The following RALYL variants were observed in gnomAD, a reference collection of about 807,000 sequenced individuals.
RALYL encodes RALY RNA binding protein like, also known as RNA-binding Raly-like protein.
In RALYL, 29 loss-of-function variants were observed where a neutral mutation model predicts 35.1. That is an observed-to-expected ratio of 0.83 (90% CI 0.61 to 1.13). RALYL has a LOEUF of 1.13. Ranked by LOEUF, RALYL falls within the 50% of genes most tolerant of loss-of-function variation. The pLI is 0.00. For missense variants in RALYL, 359 were observed against 360.4 expected, an observed-to-expected ratio of 1.00 and a Z score of 0.03; for synonymous variants, 120 against 127.6, an observed-to-expected ratio of 0.94 and a Z score of 0.40.
chr8:84,510,821 C>A (rs779898074), intron 1 of RALYL, among the ~76,000 whole-genome samples: 21 of 149,510 alleles, frequency 1.4e-4, no homozygotes, highest in East Asian at 2.0e-4. Flanking sequence ...AAAAAAAAAA[C>A]CATAATTGTA....
At chr8:84,886,198 A>G (rs2135409580) in intron 7 of RALYL, among the ~76,000 whole-genome samples, 1 of 152,320 alleles carries the variant, frequency 6.6e-6, no homozygotes, top group East Asian at 1.9e-4. Context: ...GCAAGAAAGT[A>G]TAGATACACA....
chr8:84,446,151 A>T (rs1286707245), intron 1 of RALYL, among the ~76,000 whole-genome samples: 1 of 151,990 alleles, frequency 6.6e-6, no homozygotes. Context: ...ATGTGTGCTT[A>T]TATTTCTCAA....
intron 1 of RALYL, among the ~76,000 whole-genome samples, chr8:84,370,840 G>C (rs1855533716): frequency 6.6e-6 from 1 of 152,034 alleles, no homozygotes; most frequent in Admixed American, 6.6e-5. Context: ...TATGTGGGCA[G>C]TATATATAGC....
At chr8:84,225,061 G>T (rs924380205) in intron 1 of RALYL, among the ~76,000 whole-genome samples, 1 of 152,172 alleles carries the variant, frequency 6.6e-6, no homozygotes, top group Non-Finnish European at 1.5e-5. Context: ...TCTAAACTTT[G>T]CTGTCTCAGT....
chr8:84,768,166 G>A (rs975392934), intron 2 of RALYL, among the ~76,000 whole-genome samples: 1 of 152,032 alleles, frequency 6.6e-6, no homozygotes, highest in Non-Finnish European at 1.5e-5. Context: ...GGATAATCAG[G>A]GAACAAAACC....
chr8:84,756,883 T>G (rs566303024), intron 2 of RALYL, among the ~76,000 whole-genome samples: 1 of 152,228 alleles, frequency 6.6e-6, no homozygotes, highest in South Asian at 2.1e-4. Context: ...ACAATTACTC[T>G]TCTCATTTTA....
chr8:84,266,363 A>G (rs1833293475), intron 1 of RALYL, among the ~76,000 whole-genome samples: 1 of 152,184 alleles, frequency 6.6e-6, no homozygotes, highest in African/African-American at 2.4e-5. Flanking sequence ...TGCTCCTATT[A>G]TCTTAATAAC....
chr8:84,310,183 C>T (rs1443442237), intron 1 of RALYL, among the ~76,000 whole-genome samples: 1 of 151,908 alleles, frequency 6.6e-6, no homozygotes, highest in African/African-American at 2.4e-5. Context: ...CCTGGGGTTA[C>T]AGGCACATAC....
chr8:84,446,926 ATTG>A (rs2048918418), intron 1 of RALYL, among the ~76,000 whole-genome samples: 1 of 152,062 alleles, frequency 6.6e-6, no homozygotes. Context: ...TGCAATAAAA[ATTG>A]TTAATATTTT....
intron 7 of RALYL, among the ~76,000 whole-genome samples, chr8:84,882,247 A>T (rs1254447826): frequency 6.6e-6 from 1 of 152,014 alleles, no homozygotes; most frequent in Non-Finnish European, 1.5e-5. Flanking sequence ...TGCTATGGTC[A>T]TCCATCACTC....
chr8:84,830,766 A>C (rs1830741199), intron 4 of RALYL, among the ~76,000 whole-genome samples: 1 of 152,176 alleles, frequency 6.6e-6, no homozygotes, highest in Non-Finnish European at 1.5e-5. Context: ...AAGAGGACTC[A>C]CTTTTGAGTA....
At chr8:84,819,507 G>A (rs1828038645) in intron 4 of RALYL, among the ~76,000 whole-genome samples, 1 of 152,154 alleles carries the variant, frequency 6.6e-6, no homozygotes, top group African/African-American at 2.4e-5. Context: ...TTTTGACAGT[G>A]GCGTGTTGAA....
chr8:84,232,923 C>T (rs1825690494), intron 1 of RALYL, among the ~76,000 whole-genome samples: 1 of 152,032 alleles, frequency 6.6e-6, no homozygotes, highest in South Asian at 2.1e-4. Flanking sequence ...AGAAACCTTT[C>T]GCATACTCAA....
chr8:84,258,370 T>G (rs1303045357), intron 1 of RALYL, among the ~76,000 whole-genome samples: 1 of 152,146 alleles, frequency 6.6e-6, no homozygotes, highest in Non-Finnish European at 1.5e-5. Flanking sequence ...GAATAGATAT[T>G]AAATTCTACA....
At chr8:84,480,975 A>G (rs1228280341) in intron 1 of RALYL, among the ~76,000 whole-genome samples, 1 of 152,166 alleles carries the variant, frequency 6.6e-6, no homozygotes, top group Non-Finnish European at 1.5e-5. Flanking sequence ...ATACTATTTT[A>G]ATGTTTAGTA....
chr8:84,378,270 T>G lies in RALYL; in HGVS notation c.-23-151029T>G, dbSNP rs115920403. ...CCATTTGGAGCTATCTCTGGTGCTTTGAACTCACAGTATCGAAGTAAGATT... is the reference window on the plus strand; with the variant it reads ...CCATTTGGAGCTATCTCTGGTGCTTGGAACTCACAGTATCGAAGTAAGATT... On this transcript the variant is annotated intron_variant, in intron 1 of 8. Transcript: ENST00000521268. Among the ~76,000 whole-genome samples the G allele has an allele frequency of 2.2e-3, 338 of 152,078 alleles. 1 individual carries two copies. Among genetic ancestry groups the G allele is most frequent in the African/African-American group, 7.8e-3 (326 of 41,546 alleles).
At chr8:84,871,355 T>C (rs1200199072) in intron 6 of RALYL, among the ~76,000 whole-genome samples, 1 of 152,194 alleles carries the variant, frequency 6.6e-6, no homozygotes, top group Non-Finnish European at 1.5e-5. Context: ...ATTAGTCAAC[T>C]GCATTCCTGG....
chr8:84,185,210 C>T (rs1777212798), intron 1 of RALYL: 4 of 642,064 alleles, frequency 6.2e-6, no homozygotes, highest in Non-Finnish European at 1.1e-5. Flanking sequence ...TGTTAGTTTG[C>T]AGTAATGACC....
chr8:84,270,743 T>C (rs1175666734), intron 1 of RALYL, among the ~76,000 whole-genome samples: 1 of 152,194 alleles, frequency 6.6e-6, no homozygotes, highest in Non-Finnish European at 1.5e-5. Context: ...GAAATAAATT[T>C]CTTACACATT....
Sources: gnomAD v4.1 joint callset for allele counts (sites outside exome capture counted in the v4.1 genomes callset) on GRCh38, gnomAD v4.1.1 for gene constraint, MANE v1.5 for transcripts, NCBI Gene and HGNC (gene_info 2026-07-23, HGNC 2026-07-21) for gene names.